The following ARHGAP12 variants were observed in gnomAD, a reference collection of about 807,000 sequenced individuals.
ARHGAP12 encodes Rho GTPase activating protein 12.
A neutral mutation model predicts 108.6 loss-of-function variants in ARHGAP12; 64 were observed. The observed-to-expected ratio is 0.59, with a 90% CI of 0.48 to 0.73. The LOEUF is 0.73. ARHGAP12 is among the 30% of genes least tolerant of loss of function. The pLI, the probability that ARHGAP12 is intolerant of heterozygous loss-of-function variation, is 0.00. For missense variants in ARHGAP12, 940 were observed against 1,005.9 expected, an observed-to-expected ratio of 0.93 and a Z score of 0.89; for synonymous variants, 312 against 337.2, an observed-to-expected ratio of 0.93 and a Z score of 0.82.
At chr10:31,825,231 C>T (rs1835560931) in intron 11 of ARHGAP12, among the ~76,000 whole-genome samples, 1 of 152,018 alleles carries the variant, frequency 6.6e-6, no homozygotes, top group Non-Finnish European at 1.5e-5. Flanking sequence ...GGGTTCAGAA[C>T]CATGTTGCAT....
intron 12 of ARHGAP12, 91 bp from the exon 13 acceptor site, chr10:31,817,977 C>G: frequency 2.3e-6 from 2 of 876,190 alleles, no homozygotes; most frequent in Non-Finnish European, 3.7e-6. Context: ...TTAACAAAAC[C>G]ACCAAGAGTA....
At chr10:31,907,314 T>C (rs1335466511) in intron 3 of ARHGAP12, among the ~76,000 whole-genome samples, 1 of 151,288 alleles carries the variant, frequency 6.6e-6, no homozygotes, top group African/African-American at 2.4e-5. Flanking sequence ...ATAGATCTAA[T>C]CTCAAAAGAA....
chr10:31,843,516 G>A lies in ARHGAP12; in HGVS notation c.1241C>T (p.Pro414Leu). The change falls in exon 7 of 20, where the codon CCA becomes CTA. Residue 414 changes from proline to leucine, a missense_variant. By Grantham distance (98) the Pro-to-Leu change is moderately conservative. Coordinates refer to ENST00000344936, the MANE Select transcript of ARHGAP12 (RefSeq NM_018287.7). ...ATGTCTCCACTTTGTTAATACTATT[G>A]GTTCTTGCAGCCGCCTGTCCAGGCT... is the stretch of plus-strand genomic sequence containing the variant. ...SRSLDRRLQE[P>L]IVLTKWRHST... 1.9e-6 allele frequency: 3 copies of A among 1,613,028 alleles called. No individual in the cohort carries two copies. The South Asian group carries it at 3.3e-5, about 18-fold the overall frequency.
chr10:31,927,383 C>T (rs1840094863), intron 1 of ARHGAP12, among the ~76,000 whole-genome samples: 1 of 152,160 alleles, frequency 6.6e-6, no homozygotes, highest in Admixed American at 6.5e-5. Flanking sequence ...ATGAAAGAGG[C>T]GTGGCTAGGG....
At chr10:31,911,001 T>C (rs1439654618) in intron 1 of ARHGAP12, among the ~76,000 whole-genome samples, 1 of 152,104 alleles carries the variant, frequency 6.6e-6, no homozygotes, top group Non-Finnish European at 1.5e-5. Flanking sequence ...CCTGATTACT[T>C]CCTAATTATT....
chr10:31,895,336 G>C (rs566208951), intron 3 of ARHGAP12, among the ~76,000 whole-genome samples: 3 of 152,118 alleles, frequency 2.0e-5, no homozygotes, highest in Non-Finnish European at 4.4e-5. Context: ...GAGAAAATTT[G>C]TGCAATCTAC....
At chr10:31,859,240 G>T (rs1475165725) in intron 4 of ARHGAP12, among the ~76,000 whole-genome samples, 1 of 152,162 alleles carries the variant, frequency 6.6e-6, no homozygotes, top group Non-Finnish European at 1.5e-5. Context: ...GACACAGACA[G>T]CCCTTACCGT....
chr10:31,835,709 T>C (rs1472804110), intron 9 of ARHGAP12, among the ~76,000 whole-genome samples: 4 of 152,162 alleles, frequency 2.6e-5, no homozygotes, highest in Non-Finnish European at 5.9e-5. Flanking sequence ...ATAATAAGAT[T>C]TTAAAAATAT....
intron 10 of ARHGAP12, among the ~76,000 whole-genome samples, chr10:31,829,823 TAG>T (rs1835764676): frequency 6.6e-6 from 1 of 152,188 alleles, no homozygotes; most frequent in Admixed American, 6.5e-5. Flanking sequence ...CTACCATTTG[TAG>T]AGTTTCGGAG....
intron 3 of ARHGAP12, among the ~76,000 whole-genome samples, chr10:31,883,115 G>A (rs981412594): frequency 8.6e-5 from 13 of 152,046 alleles, no homozygotes; most frequent in African/African-American, 3.1e-4. Flanking sequence ...GATCAACATG[G>A]AGAAACCCCA....
At chr10:31,850,862 AT>A (rs1189443104) in intron 6 of ARHGAP12, among the ~76,000 whole-genome samples, 2 of 152,304 alleles carry the variant, frequency 1.3e-5, no homozygotes, top group East Asian at 3.9e-4. Flanking sequence ...TCAGAATCAC[AT>A]TCTAAAAGTA....
intron 1 of ARHGAP12, among the ~76,000 whole-genome samples, chr10:31,911,080 G>A (rs1204326322): frequency 6.6e-6 from 1 of 152,072 alleles, no homozygotes; most frequent in Admixed American, 6.5e-5. Flanking sequence ...CTGGAGTACA[G>A]TGGCACGATC....
intron 9 of ARHGAP12, among the ~76,000 whole-genome samples, chr10:31,834,929 G>A (rs369716514): frequency 5.3e-5 from 8 of 152,256 alleles, no homozygotes; most frequent in African/African-American, 1.9e-4. Context: ...GGCAGGGCAC[G>A]GTGGCTCACG....
At chr10:31,838,119 G>A (rs1370473326) in intron 9 of ARHGAP12, among the ~76,000 whole-genome samples, 1 of 152,120 alleles carries the variant, frequency 6.6e-6, no homozygotes, top group Non-Finnish European at 1.5e-5. Flanking sequence ...ATTCTCTGAG[G>A]AAATAAAAGT....
chr10:31,881,422 A>G (rs1837953481), intron 3 of ARHGAP12, among the ~76,000 whole-genome samples: 1 of 152,242 alleles, frequency 6.6e-6, no homozygotes, highest in South Asian at 2.1e-4. Flanking sequence ...CAAAGTATAC[A>G]TTTATTTTAA....
rs117923260 is a variant in ARHGAP12, at chr10:31,902,324, A to C, written c.684+5848T>G. Among the ~76,000 whole-genome samples, 222 of 151,162 alleles carry C rather than the reference A, an allele frequency of 1.5e-3. No individual in the cohort carries two copies. In the Middle Eastern group the frequency reaches 0.017, roughly 12 times the overall value. On this transcript the variant is annotated intron_variant, in intron 3 of 19. Coordinates refer to ENST00000344936, the MANE Select transcript of ARHGAP12 (RefSeq NM_018287.7). Reference sequence around the variant, plus strand: ...ATGGTACTATAACAATTAGATATCCATAGGCAAAAAAAAAAAAAAAGAATC... The same window carrying C: ...ATGGTACTATAACAATTAGATATCCCTAGGCAAAAAAAAAAAAAAAGAATC...
chr10:31,917,402 C>G (rs183534713), intron 1 of ARHGAP12, among the ~76,000 whole-genome samples: 69 of 151,962 alleles, frequency 4.5e-4, no homozygotes, highest in Non-Finnish European at 8.7e-4. Flanking sequence ...AAGACTTAGT[C>G]TCAAAAAAAT....
intron 3 of ARHGAP12, among the ~76,000 whole-genome samples, chr10:31,872,985 C>T (rs1258582697): frequency 2.0e-5 from 3 of 152,156 alleles, no homozygotes; most frequent in Non-Finnish European, 1.5e-5. Context: ...AGAACTGATT[C>T]AAACTCTTTG....
intron 11 of ARHGAP12, among the ~76,000 whole-genome samples, chr10:31,820,841 T>C (rs1025837869): frequency 1.3e-5 from 2 of 151,702 alleles, no homozygotes; most frequent in Non-Finnish European, 2.9e-5. Context: ...GCAAGTGGGA[T>C]ATAAACTGGA....
Sources: allele counts gnomAD v4.1 joint callset (sites outside exome capture counted in the v4.1 genomes callset), GRCh38; gene constraint gnomAD v4.1.1; transcripts MANE v1.5; gene names NCBI Gene and HGNC (gene_info 2026-07-23, HGNC 2026-07-21).